ARPIN: variants seen among roughly 807,000 people sequenced by gnomAD.
The protein encoded by ARPIN is UPF0552 protein C15orf38.
Under a neutral mutation model 25.9 loss-of-function variants are expected in ARPIN, and 23 were observed. That is an observed-to-expected ratio of 0.89 (90% CI 0.64 to 1.26). The LOEUF is 1.26. ARPIN is among the 50% of genes most tolerant of loss of function. The probability of loss-of-function intolerance (pLI) is 0.00; values close to 1 mark genes in which losing one functional copy is unlikely to be tolerated. For synonymous variants in ARPIN, 126 were observed against 131.4 expected (o/e 0.96, Z 0.28); for missense variants, 333 against 312.2 (o/e 1.07, Z -0.50).
intron 1 of ARPIN, 81 bp downstream of exon 1, chr15:89,912,663 T>TTTGGGCCC: frequency 5.7e-6 from 5 of 871,064 alleles, no homozygotes; most frequent in East Asian, 1.0e-4. Context: ...CCCACCCGCA[T>TTTGGGCCC]CCCACCCCCC....
intron 2 of ARPIN, 114 bp from the exon 3 acceptor site, chr15:89,908,526 T>A: frequency 6.6e-7 from 1 of 1,517,184 alleles, no homozygotes; most frequent in Non-Finnish European, 8.9e-7. Context: ...CCACCTCAGC[T>A]CCAAAAGATG....
chr15:89,906,445 C>T (rs928349498), intron 3 of ARPIN, among the ~76,000 whole-genome samples: 4 of 152,160 alleles, frequency 2.6e-5, no homozygotes, highest in African/African-American at 7.2e-5. Flanking sequence ...CTGACCTCTG[C>T]TTATCTTTCA....
intron 2 of ARPIN, among the ~76,000 whole-genome samples, chr15:89,908,707 G>A (rs1052190202): frequency 2.0e-5 from 3 of 152,078 alleles, no homozygotes; most frequent in Admixed American, 6.5e-5. Context: ...ACTTGGGCTG[G>A]GCACAGTGGC....
At position 89,901,018 on chromosome 15, in the gene ARPIN, C is replaced by T. The variant is rs572075811; in HGVS notation, c.*777G>A. ...ACGCCTGGGAACGCTGTTGGCCTCT[C>T]TGGGAATGGCATCTACCAGGAAAGC... On this transcript the variant is annotated 3_prime_UTR_variant, in exon 6 of 6. Coordinates refer to ENST00000357484, the MANE Select transcript of ARPIN (RefSeq NM_182616.4). 1 of 152,330 alleles carries T rather than the reference C, an allele frequency of 6.6e-6. No homozygotes were observed. Among genetic ancestry groups the T allele is most frequent in the South Asian group, 2.1e-4 (1 of 4,828 alleles). 9.4% of individuals were successfully genotyped at this position (152,330 alleles called of 1,614,324 possible). A position where few individuals can be genotyped will look rare whatever the true frequency, so the allele number is the denominator to read the frequency against.
At chr15:89,901,876 A>C (rs1364960023) in intron 5 of ARPIN, 73 bp from the exon 6 acceptor site, 3 of 1,574,242 alleles carry the variant, frequency 1.9e-6, no homozygotes, top group Non-Finnish European at 2.6e-6. Flanking sequence ...TTATCAGACA[A>C]ACAAGGGTTC....
In ARPIN at chr15:89,896,583, C is replaced by T. The variant is rs996461861; in HGVS notation, c.*5212G>A. 6.6e-6 allele frequency: 1 copy of T among 151,990 alleles called. No homozygotes were observed. The highest frequency in any genetic ancestry group is 1.5e-5 in the Non-Finnish European group (1 of 67,994). The allele number at this position is 151,990 out of a possible 1,614,324, so 9.4% of individuals were successfully genotyped here. On this transcript the variant is annotated 3_prime_UTR_variant, in exon 6 of 6. Coordinates refer to ENST00000357484, the MANE Select transcript of ARPIN (RefSeq NM_182616.4). ...AGAAGCAATAAAAATCACAAAACAT[C>T]AACAGATATATAAAGTTTTTTTATA...
chr15:89,901,483 AGCCTGG>A lies in ARPIN; in HGVS notation c.*306_*311del, dbSNP rs952925727. ...CGCTTGAGTCCAGGAGTTTGAGATC[AGCCTGG>A]GCAACATAGTGAGACCTCCATCTCT... On this transcript the variant is annotated 3_prime_UTR_variant, in exon 6 of 6. Coordinates refer to ENST00000357484, the MANE Select transcript of ARPIN (RefSeq NM_182616.4). The A allele has an allele frequency of 3.5e-5, 13 of 367,978 alleles. No homozygotes were observed. The highest frequency in any genetic ancestry group is 5.5e-5 in the Non-Finnish European group (11 of 200,730). 22.8% of individuals were successfully genotyped at this position (367,978 alleles called of 1,614,324 possible).
chr15:89,907,386 G>GA (rs933338414), intron 3 of ARPIN, among the ~76,000 whole-genome samples: 3 of 151,696 alleles, frequency 2.0e-5, no homozygotes, highest in Admixed American at 6.6e-5. Context: ...TTTTAAAAAA[G>GA]AAAAAAAATC....
intron 3 of ARPIN, 37 bp downstream of exon 3, chr15:89,908,243 G>A: frequency 6.2e-7 from 1 of 1,612,822 alleles, no homozygotes; most frequent in East Asian, 2.2e-5. Flanking sequence ...ACTGCAGGAG[G>A]GCCCTGAGGG....
chr15:89,910,889 ATTTACCCAGCC>A, intron 1 of ARPIN, 70 bp from the exon 2 acceptor site: 2 of 1,269,546 alleles, frequency 1.6e-6, no homozygotes, highest in Non-Finnish European at 2.2e-6. Context: ...CGTGTCTCCT[ATTTACCCAGCC>A]CTGAGAAGGC....
intron 5 of ARPIN, among the ~76,000 whole-genome samples, chr15:89,902,631 G>A (rs1388202244): frequency 1.3e-5 from 2 of 152,130 alleles, no homozygotes; most frequent in African/African-American, 4.8e-5. Context: ...TTGAGCCCAG[G>A]AGTTCGAGGC....
At chr15:89,903,018 A>C in intron 5 of ARPIN, 198 bp downstream of exon 5, 2 of 1,456,696 alleles carry the variant, frequency 1.4e-6, no homozygotes, top group Non-Finnish European at 1.8e-6. Flanking sequence ...GCCACCTACA[A>C]GAAAGGTCCC....
intron 5 of ARPIN, 112 bp from the exon 6 acceptor site, chr15:89,901,915 G>C: frequency 7.7e-6 from 10 of 1,291,982 alleles, no homozygotes; most frequent in Non-Finnish European, 1.1e-5. Context: ...GGGCCCATGA[G>C]TGCTTGCCTG....
intron 1 of ARPIN, 81 bp downstream of exon 1, chr15:89,912,663 T>TTGGGGCCCCCCC: frequency 1.1e-6 from 1 of 871,110 alleles, no homozygotes; most frequent in Non-Finnish European, 1.4e-6. Flanking sequence ...CCCACCCGCA[T>TTGGGGCCCCCCC]CCCACCCCCC....
At chr15:89,903,168 A>G in intron 5 of ARPIN, 48 bp downstream of exon 5, 1 of 1,614,136 alleles carries the variant, frequency 6.2e-7, no homozygotes, top group East Asian at 2.2e-5. Context: ...ACCAGTATGT[A>G]CCATGCTCCT....
chr15:89,912,938 G>A lies in ARPIN; in HGVS notation c.-103C>T, dbSNP rs1172384363. The A allele has an allele frequency of 2.9e-5, 39 of 1,363,718 alleles. No homozygotes were observed. The highest frequency in any genetic ancestry group is 3.5e-5 in the Non-Finnish European group (37 of 1,053,414). 84.5% of individuals were successfully genotyped at this position (1,363,718 alleles called of 1,614,324 possible). On this transcript the variant is annotated 5_prime_UTR_variant, in exon 1 of 6. Coordinates refer to ENST00000357484, the MANE Select transcript of ARPIN (RefSeq NM_182616.4). ...GCGCGGGGACCCGCGATTCCCAGCC[G>A]GCGGATCCGGGAATGGCGCGGCCCG...
intron 5 of ARPIN, 47 bp from the exon 6 acceptor site, chr15:89,901,850 T>C (rs777894455): frequency 6.2e-7 from 1 of 1,606,158 alleles, no homozygotes; most frequent in Non-Finnish European, 8.5e-7. Context: ...GCACATGTCA[T>C]AAACGTCACT....
Position 89,899,111 on chromosome 15 carries a change from G to C in ARPIN, c.*2684C>G, listed in dbSNP as rs1469398276. On this transcript the variant is annotated 3_prime_UTR_variant, in exon 6 of 6. Transcript: ENST00000357484. The stretch of plus-strand genomic sequence containing the variant: ...TTTTTTTTTTTTTTTTTTGAGACAG[G>C]GTCTCACTGTGTTGCCCAGGCTGGA... 6.8e-6 allele frequency: 1 copy of C among 146,656 alleles called. No individual in the cohort carries two copies. The highest frequency in any genetic ancestry group is 2.6e-5 in the African/African-American group (1 of 38,860). The allele number at this position is 146,656 out of a possible 1,614,324, so 9.1% of individuals were successfully genotyped here. A position where few individuals can be genotyped will look rare whatever the true frequency, so the allele number is the denominator to read the frequency against.
Position 89,903,131 on chromosome 15 carries a change from C to T in ARPIN, c.672+85G>A, listed in dbSNP as rs780619306. The T allele has an allele frequency of 1.2e-4, 193 of 1,612,936 alleles. 1 individual carries two copies. The highest frequency in any genetic ancestry group is 8.2e-4 in the Middle Eastern group (5 of 6,074). ...AGCTGGGGGGTAAGATTCATCCTGT[C>T]GTCTTCTCATCCTACCCACAACCTC... On this transcript the variant is annotated intron_variant, in intron 5 of 5. Transcript: ENST00000357484.
Sources: allele counts gnomAD v4.1 joint callset (sites outside exome capture counted in the v4.1 genomes callset), GRCh38; gene constraint gnomAD v4.1.1; transcripts MANE v1.5; gene names NCBI Gene and HGNC (gene_info 2026-07-23, HGNC 2026-07-21).